Variants in PRKG1 observed in about 807,000 individuals in gnomAD.
PRKG1 encodes the protein cGMP-dependent protein kinase 1.
In PRKG1, 35 loss-of-function variants were observed where a neutral mutation model predicts 88.1. The ratio of observed to expected loss-of-function variants is 0.40; its 90% confidence interval spans 0.30 to 0.53. The LOEUF (loss-of-function observed/expected upper bound fraction) is 0.53. PRKG1 is among the 20% of genes least tolerant of loss of function. The probability of loss-of-function intolerance (pLI) is 0.59; values close to 1 mark genes in which losing one functional copy is unlikely to be tolerated. For missense variants in PRKG1, 540 were observed against 839.8 expected, an observed-to-expected ratio of 0.64 and a Z score of 4.41; for synonymous variants, 303 against 292.5, an observed-to-expected ratio of 1.04 and a Z score of -0.37.
intron 6 of PRKG1, 45 bp downstream of exon 6, chr10:52,054,606 GGGTT>G: frequency 6.4e-7 from 1 of 1,555,180 alleles, no homozygotes; most frequent in Non-Finnish European, 8.9e-7. Flanking sequence ...GGGGAGCCTG[GGGTT>G]GGTTAGTAAC....
At chr10:51,199,865 C>T (rs1355224695) in intron 2 of PRKG1, among the ~76,000 whole-genome samples, 1 of 152,152 alleles carries the variant, frequency 6.6e-6, no homozygotes, top group African/African-American at 2.4e-5. Context: ...TCCTGTGTCT[C>T]CCTTATATTC....
intron 5 of PRKG1, among the ~76,000 whole-genome samples, chr10:51,913,595 A>T (rs778154432): frequency 1.3e-5 from 2 of 152,200 alleles, no homozygotes; most frequent in Non-Finnish European, 2.9e-5. Flanking sequence ...GTGTATACTT[A>T]CAGGTATAGA....
chr10:51,652,446 A>G (rs1840061483), intron 3 of PRKG1, among the ~76,000 whole-genome samples: 1 of 152,090 alleles, frequency 6.6e-6, no homozygotes, highest in South Asian at 2.1e-4. Context: ...GCATCTCTTA[A>G]ATATAGATTT....
At chr10:51,701,055 T>G (rs776512684) in intron 3 of PRKG1, among the ~76,000 whole-genome samples, 1 of 152,212 alleles carries the variant, frequency 6.6e-6, no homozygotes, top group South Asian at 2.1e-4. Context: ...CAATTTTATA[T>G]TTTTTATAAG....
intron 9 of PRKG1, among the ~76,000 whole-genome samples, chr10:52,244,309 G>A (rs1840947058): frequency 6.6e-6 from 1 of 151,858 alleles, no homozygotes; most frequent in African/African-American, 2.4e-5. Context: ...CGCTAAGATG[G>A]TTCTTTTTGA....
intron 9 of PRKG1, among the ~76,000 whole-genome samples, chr10:52,214,305 A>C (rs964872670): frequency 6.6e-6 from 1 of 152,194 alleles, no homozygotes; most frequent in Non-Finnish European, 1.5e-5. Flanking sequence ...ACTTGGGTGC[A>C]CATCTCTCAC....
chr10:52,227,805 T>G (rs996062138), intron 9 of PRKG1, among the ~76,000 whole-genome samples: 4 of 152,190 alleles, frequency 2.6e-5, no homozygotes, highest in Non-Finnish European at 4.4e-5. Context: ...ATTTTCTACT[T>G]CTGGGTGAAG....
intron 3 of PRKG1, among the ~76,000 whole-genome samples, chr10:51,579,138 C>T (rs1044869415): frequency 8.6e-5 from 13 of 151,598 alleles, no homozygotes; most frequent in Admixed American, 3.3e-4. Context: ...CGTGCCACCA[C>T]GCCCAGCTAA....
intron 1 of PRKG1, among the ~76,000 whole-genome samples, chr10:51,135,973 G>A (rs867607304): frequency 2.8e-4 from 41 of 146,104 alleles, no homozygotes; most frequent in African/African-American, 9.4e-4. Context: ...TGTGGGGGAA[G>A]GGGGGAGGGG....
At chr10:51,908,013 TA>T (rs1180443874) in intron 5 of PRKG1, 2 of 152,908 alleles carry the variant, frequency 1.3e-5, no homozygotes, top group African/African-American at 4.8e-5. Context: ...ATGCCACTTT[TA>T]GTTGTTTTTC....
intron 7 of PRKG1, among the ~76,000 whole-genome samples, chr10:52,111,749 T>A (rs1847569254): frequency 6.6e-6 from 1 of 152,176 alleles, no homozygotes; most frequent in South Asian, 2.1e-4. Flanking sequence ...GGAGGGTTGT[T>A]GGTAGGACAT....
At chr10:51,373,675 A>T (rs1439959604) in intron 2 of PRKG1, among the ~76,000 whole-genome samples, 1 of 152,126 alleles carries the variant, frequency 6.6e-6, no homozygotes, top group Admixed American at 6.6e-5. Context: ...CTGGATTTTT[A>T]AAAATGTGGT....
intron 2 of PRKG1, among the ~76,000 whole-genome samples, chr10:51,260,234 G>A (rs10996373): frequency 0.21 from 32,244 of 152,026 alleles, 5,222 homozygotes; most frequent in African/African-American, 0.46. Context: ...AAAATATTCC[G>A]TGGAATAGAA....
chr10:51,733,473 T>G (rs969873988), intron 3 of PRKG1, among the ~76,000 whole-genome samples: 4 of 152,334 alleles, frequency 2.6e-5, no homozygotes, highest in African/African-American at 7.2e-5. Flanking sequence ...ATAATAAATC[T>G]GAACCAATGA....
chr10:51,670,596 C>G (rs865964537), intron 3 of PRKG1, among the ~76,000 whole-genome samples: 2 of 148,942 alleles, frequency 1.3e-5, no homozygotes, highest in South Asian at 2.1e-4. Flanking sequence ...ATTAGCCGGG[C>G]GTAGTGGCGG....
chr10:52,112,446 T>C (rs184829115), intron 7 of PRKG1, among the ~76,000 whole-genome samples: 1 of 152,232 alleles, frequency 6.6e-6, no homozygotes. Context: ...AAAGGGACCA[T>C]ATTAGATGGG....
At chr10:51,895,534 G>T (rs755517804) in intron 4 of PRKG1, among the ~76,000 whole-genome samples, 2 of 152,162 alleles carry the variant, frequency 1.3e-5, no homozygotes, top group Non-Finnish European at 2.9e-5. Flanking sequence ...TGTGTTTGGA[G>T]TGGACTGATT....
chr10:51,353,690 T>G (rs920375618), intron 2 of PRKG1, among the ~76,000 whole-genome samples: 1 of 152,148 alleles, frequency 6.6e-6, no homozygotes, highest in African/African-American at 2.4e-5. Flanking sequence ...CCTCATACAC[T>G]GTTGGTGGGA....
intron 3 of PRKG1, among the ~76,000 whole-genome samples, chr10:51,548,537 T>C (rs1221543353): frequency 6.6e-6 from 1 of 152,166 alleles, no homozygotes; most frequent in Non-Finnish European, 1.5e-5. Context: ...TAAGAAATCA[T>C]TAATGATTCA....
Sources: allele counts gnomAD v4.1 joint callset (sites outside exome capture counted in the v4.1 genomes callset), GRCh38; gene constraint gnomAD v4.1.1; transcripts MANE v1.5; gene names NCBI Gene and HGNC (gene_info 2026-07-23, HGNC 2026-07-21).